CNTN5: variants seen among roughly 807,000 people sequenced by gnomAD.
CNTN5 encodes contactin-5.
CNTN5 carries 77 observed loss-of-function variants against 129.1 expected under a neutral mutation model. The observed-to-expected ratio is 0.60, with a 90% CI of 0.50 to 0.72. The LOEUF (loss-of-function observed/expected upper bound fraction) is 0.72, where lower values mean the gene tolerates loss of function less well. Among genes scored for constraint, CNTN5 ranks in the 30% least tolerant of loss-of-function variants. The probability of loss-of-function intolerance (pLI) is 0.00; values close to 1 mark genes in which losing one functional copy is unlikely to be tolerated. For synonymous variants in CNTN5, 509 were observed against 465.6 expected, an observed-to-expected ratio of 1.09 and a Z score of -1.20; for missense variants, 1,478 against 1,328.8, an observed-to-expected ratio of 1.11 and a Z score of -1.75.
At chr11:99,509,927 A>C (rs2135407883) in intron 2 of CNTN5, among the ~76,000 whole-genome samples, 1 of 152,020 alleles carries the variant, frequency 6.6e-6, no homozygotes, top group East Asian at 1.9e-4. Flanking sequence ...GCTTGAATTC[A>C]AGTTCTGACT....
At chr11:99,498,134 G>A (rs560132358) in intron 2 of CNTN5, among the ~76,000 whole-genome samples, 100 of 152,152 alleles carry the variant, frequency 6.6e-4, no homozygotes, top group Non-Finnish European at 1.0e-3. Flanking sequence ...AGAGACAATA[G>A]GTTACATTTT....
chr11:99,908,218 G>A (rs1949561881), intron 6 of CNTN5, among the ~76,000 whole-genome samples: 1 of 151,940 alleles, frequency 6.6e-6, no homozygotes, highest in Non-Finnish European at 1.5e-5. Flanking sequence ...GGGAGAAAGG[G>A]GTAAGGAGTC....
Position 99,850,574 on chromosome 11 carries a change from T to A in CNTN5, c.577+5312T>A, listed in dbSNP as rs1947841969. Among the ~76,000 whole-genome samples, 3 of 152,198 alleles carry A rather than the reference T, an allele frequency of 2.0e-5. No homozygotes were observed. The South Asian group carries it at 6.2e-4, about 31-fold the overall frequency. On this transcript the variant is annotated intron_variant, in intron 6 of 24. Coordinates refer to ENST00000524871, the MANE Select transcript of CNTN5 (RefSeq NM_014361.4). ...CAAATGTATGCTTGTATAATAATGT[T>A]ACTTTATTAACATATTTAATGTTTA...
At chr11:99,161,568 C>T (rs548296598) in intron 1 of CNTN5, among the ~76,000 whole-genome samples, 52 of 152,202 alleles carry the variant, frequency 3.4e-4, no homozygotes, top group African/African-American at 1.3e-3. Context: ...AATGGTAGAG[C>T]AGAAAGCTGA....
At chr11:99,545,323 C>T (rs1427017079) in intron 2 of CNTN5, among the ~76,000 whole-genome samples, 3 of 152,114 alleles carry the variant, frequency 2.0e-5, no homozygotes, top group Admixed American at 6.5e-5. Context: ...CCTGTGGTTT[C>T]GACTGCCAGA....
At chr11:99,921,169 C>A (rs1476385352) in intron 7 of CNTN5, among the ~76,000 whole-genome samples, 1 of 152,198 alleles carries the variant, frequency 6.6e-6, no homozygotes, top group Non-Finnish European at 1.5e-5. Context: ...GTTGTTATGG[C>A]AACTTGAGCA....
chr11:99,866,274 A>C (rs1284454224), intron 6 of CNTN5, among the ~76,000 whole-genome samples: 1 of 152,174 alleles, frequency 6.6e-6, no homozygotes, highest in African/African-American at 2.4e-5. Flanking sequence ...ACAACTCAGT[A>C]GTTATTTTGA....
chr11:99,601,658 AC>A (rs1805608618), intron 3 of CNTN5, among the ~76,000 whole-genome samples: 1 of 152,128 alleles, frequency 6.6e-6, no homozygotes, highest in Admixed American at 6.5e-5. Context: ...GTGACACCAC[AC>A]CCTAAAATTT....
At chr11:99,088,409 G>A (rs1866089680) in intron 1 of CNTN5, among the ~76,000 whole-genome samples, 1 of 152,096 alleles carries the variant, frequency 6.6e-6, no homozygotes, top group Non-Finnish European at 1.5e-5. Flanking sequence ...TGAGATCAAG[G>A]CCGTGATCTT....
At chr11:99,276,514 G>A (rs1195780082) in intron 1 of CNTN5, among the ~76,000 whole-genome samples, 2 of 151,404 alleles carry the variant, frequency 1.3e-5, no homozygotes, top group Non-Finnish European at 3.0e-5. Flanking sequence ...TGATCACTGG[G>A]CAAACTACTT....
intron 13 of CNTN5, among the ~76,000 whole-genome samples, chr11:100,086,679 C>G (rs138922101): frequency 2.0e-5 from 3 of 151,136 alleles, no homozygotes; most frequent in Non-Finnish European, 4.4e-5. Context: ...TATGTAAGAG[C>G]TTTGTTTTAA....
intron 20 of CNTN5, 80 bp downstream of exon 20, chr11:100,299,476 T>G (rs1951172751): frequency 1.2e-6 from 1 of 821,290 alleles, no homozygotes; most frequent in African/African-American, 1.8e-5. Flanking sequence ...GTACACATAT[T>G]AGAAAATACA....
At chr11:99,880,051 C>T (rs1367584243) in intron 6 of CNTN5, among the ~76,000 whole-genome samples, 2 of 152,120 alleles carry the variant, frequency 1.3e-5, no homozygotes, top group Admixed American at 6.5e-5. Context: ...TTTTTCTCCC[C>T]GTTCACTATT....
At chr11:99,491,808 G>T (rs1946046721) in intron 2 of CNTN5, among the ~76,000 whole-genome samples, 1 of 151,938 alleles carries the variant, frequency 6.6e-6, no homozygotes, top group Non-Finnish European at 1.5e-5. Context: ...TGGTTCCCTT[G>T]GTCTAATGCA....
At chr11:99,896,000 A>T (rs11221806) in intron 6 of CNTN5, among the ~76,000 whole-genome samples, 2 of 152,300 alleles carry the variant, frequency 1.3e-5, no homozygotes, top group East Asian at 1.9e-4. Flanking sequence ...TCCCCAGCAC[A>T]GCCTCCCTGA....
In CNTN5 at chr11:99,508,221, A is replaced by G. The variant is rs554708209; in HGVS notation, c.-70-47924A>G. ...ACTCCGTTGTAAAATGAAAATAATAATATTTGCCTCATAAGCTTTCTGAGT... is the reference window on the plus strand; with the variant it reads ...ACTCCGTTGTAAAATGAAAATAATAGTATTTGCCTCATAAGCTTTCTGAGT... On this transcript the variant is annotated intron_variant, in intron 2 of 24. Transcript: ENST00000524871. 1.0e-3 allele frequency among the ~76,000 whole-genome samples: 158 copies of G among 152,314 alleles called. 1 individual carries two copies. The highest frequency in any genetic ancestry group is 3.6e-3 in the African/African-American group (150 of 41,560).
intron 3 of CNTN5, among the ~76,000 whole-genome samples, chr11:99,623,748 T>TAAAAAAAAAAAAAAAAAAAAAAAAAA (rs3029363): frequency 7.2e-6 from 1 of 139,656 alleles, no homozygotes. Context: ...ATACAAAAAA[T>TAAAAAAAAAAAAAAAAAAAAAAAAAA]AAAAAAAAAA....
At chr11:100,053,038 TA>T (rs1436776826) in intron 9 of CNTN5, among the ~76,000 whole-genome samples, 1 of 151,706 alleles carries the variant, frequency 6.6e-6, no homozygotes, top group African/African-American at 2.4e-5. Context: ...TCCTGTACCA[TA>T]AACAGCAAAT....
chr11:99,973,467 A>G lies in CNTN5; in HGVS notation c.877+16458A>G, dbSNP rs554969937. On this transcript the variant is annotated intron_variant, in intron 8 of 24. Coordinates refer to ENST00000524871, the MANE Select transcript of CNTN5 (RefSeq NM_014361.4). ...CTTTCTTTTGTTAATAAGAGAGCCT[A>G]TTTTCCTATGGTTTTCAGTTTTCCT... Among the ~76,000 whole-genome samples, 677 of 152,138 alleles carry G rather than the reference A, an allele frequency of 4.4e-3. 5 individuals carry two copies. Among genetic ancestry groups the G allele is most frequent in the South Asian group, 0.011 (55 of 4,824 alleles).
Sources: allele counts gnomAD v4.1 joint callset (sites outside exome capture counted in the v4.1 genomes callset), GRCh38; gene constraint gnomAD v4.1.1; transcripts MANE v1.5; gene names NCBI Gene and HGNC (gene_info 2026-07-23, HGNC 2026-07-21).